The following HES1 variants were observed in gnomAD, a reference collection of about 807,000 sequenced individuals.
HES1 encodes hes family bHLH transcription factor 1, also known as transcription factor HES-1.
Under a neutral mutation model 21.0 loss-of-function variants are expected in HES1, and 7 were observed. That is an observed-to-expected ratio of 0.33 (90% confidence interval 0.19 to 0.63). The LOEUF is 0.63. HES1 is among the 20% of genes least tolerant of loss of function. HES1 has a pLI of 0.78. For missense variants in HES1, 338 were observed against 389.8 expected, an observed-to-expected ratio of 0.87 and a Z score of 1.12; for synonymous variants, 169 against 171.2, an observed-to-expected ratio of 0.99 and a Z score of 0.10.
chr3:194,138,341 G>C lies in HES1; in HGVS notation c.*108G>C. ...GAGAGAAGAGGACTTTTTTGATTAA[G>C]TGGTTACTTTGTGTTTTTTTAATTT... On this transcript the variant is annotated 3_prime_UTR_variant, in exon 4 of 4. Coordinates refer to ENST00000232424, the MANE Select transcript of HES1 (RefSeq NM_005524.4). 2 of 1,178,962 alleles carry C rather than the reference G, an allele frequency of 1.7e-6. No individual in the cohort carries two copies. Among genetic ancestry groups the C allele is most frequent in the Non-Finnish European group, 2.2e-6 (2 of 890,004 alleles). The allele number at this position is 1,178,962 out of a possible 1,614,324, so 73.0% of individuals were successfully genotyped here. A position where few individuals can be genotyped will look rare whatever the true frequency, so the allele number is the denominator to read the frequency against.
rs780206874 is a variant in HES1 at position 194,137,034 on chromosome 3, G to A, written c.278G>A (p.Arg93Gln). 9 of 1,613,986 alleles carry A rather than the reference G, an allele frequency of 5.6e-6. No individual in the cohort carries two copies. Among genetic ancestry groups the A allele is most frequent in the East Asian group, 4.5e-5 (2 of 44,896 alleles). The change falls in exon 3 of 4, where the codon CGG becomes CAG. Residue 93 changes from arginine (R) to glutamine (Q), a missense_variant. Physicochemically the swap from Arg to Gln is conservative, Grantham distance 43. Transcript: ENST00000232424. This position sits in a 1 kb window ranked among gnomAD's most constrained non-coding sequence, Gnocchi z 5.4. Reference protein sequence around the residue: ...MTVKHLRNLQRAQMTAALSTD... With the variant: ...MTVKHLRNLQQAQMTAALSTD... ...GTGAAGCACCTCCGGAACCTGCAGCGGGCGCAGATGACGGGTGAGGGCGGC... is the reference window on the plus strand; with the variant it reads ...GTGAAGCACCTCCGGAACCTGCAGCAGGCGCAGATGACGGGTGAGGGCGGC...
chr3:194,136,446 C>T lies in HES1; in HGVS notation c.66C>T (p.Asn22=). ...SPVAATPASV[N]TTPDKPKTAS... The stretch of plus-strand genomic sequence containing the variant: ...TGGCTGCTACCCCAGCCAGTGTCAA[C>T]ACGACACCGGATAAACCAAAGACAG... Residue 22 remains asparagine, a synonymous_variant, in exon 1 of 4, where the codon AAC becomes AAT. Coordinates refer to ENST00000232424, the MANE Select transcript of HES1 (RefSeq NM_005524.4). 5.6e-6 allele frequency: 9 copies of T among 1,611,744 alleles called. No homozygotes were observed. The highest frequency in any genetic ancestry group is 7.6e-6 in the Non-Finnish European group (9 of 1,179,532).
In HES1 at chr3:194,138,281, TC is replaced by T. The variant is rs1715398589; in HGVS notation, c.*51del. The stretch of plus-strand genomic sequence containing the variant: ...CCTAAACTCCCCAACCCACCTCTCT[TC>T]CCTCCGGACTCTAAACAGGAACTTG... On this transcript the variant is annotated 3_prime_UTR_variant, in exon 4 of 4. Transcript: ENST00000232424. The T allele has an allele frequency of 3.4e-6, 5 of 1,465,934 alleles. No individual in the cohort carries two copies. The Admixed American group carries it at 9.2e-5, about 27-fold the overall frequency. 90.8% of individuals were successfully genotyped at this position (1,465,934 alleles called of 1,614,324 possible).
In HES1 at chr3:194,137,957, C is replaced by G. The variant is rs1382513609; in HGVS notation, c.567C>G (p.Pro189=). Residue 189 remains proline (P), a synonymous_variant, in exon 4 of 4, where the codon CCC becomes CCG. Transcript: ENST00000232424. The surrounding 1 kb of genome is among the most constrained non-coding windows in gnomAD (Gnocchi z 5.4). The stretch of plus-strand genomic sequence containing the variant: ...TCGCGCCGCCGCCGCCACTCGTGCC[C>G]ATCCCCGGGGGCGCGGCGCCCCCTC... ...APFAPPPPLV[P]IPGGAAPPPG... is the part of the protein sequence containing the mutation. The G allele has an allele frequency of 3.0e-6, 4 of 1,350,570 alleles. No individual in the cohort carries two copies. Among genetic ancestry groups the G allele is most frequent in the Admixed American group, 3.5e-5 (1 of 28,842 alleles). The allele number at this position is 1,350,570 out of a possible 1,614,324, so 83.7% of individuals were successfully genotyped here.
In HES1 at chr3:194,136,257, C is replaced by A; in HGVS notation, c.-124C>A. 1.6e-6 allele frequency: 1 copy of A among 642,662 alleles called. No homozygotes were observed. The allele number at this position is 642,662 out of a possible 1,614,324, so 39.8% of individuals were successfully genotyped here. On this transcript the variant is annotated 5_prime_UTR_variant, in exon 1 of 4. Transcript: ENST00000232424. ...CAAGTAGCCACAAAATATAATAAAC[C>A]CTCAGCACTTGCTCAGTAGTTTTGT...
Position 194,136,357 on chromosome 3 carries a change from GA to G in HES1, c.-23del. On this transcript the variant is annotated 5_prime_UTR_variant, in exon 1 of 4. Coordinates refer to ENST00000232424, the MANE Select transcript of HES1 (RefSeq NM_005524.4). ...AACTCCAAAAATAAAATTCTCTAGA[GA>G]TAAAAAAAAAAAAAAAAGGAAAATG... The G allele has an allele frequency of 8.4e-6, 7 of 835,342 alleles. No individual in the cohort carries two copies. In the South Asian group the frequency reaches 1.3e-4, roughly 15 times the overall value. The allele number at this position is 835,342 out of a possible 1,614,324, so 51.7% of individuals were successfully genotyped here. A position where few individuals can be genotyped will look rare whatever the true frequency, so the allele number is the denominator to read the frequency against.
In HES1 at chr3:194,136,966, G is replaced by C. The variant is rs760964574; in HGVS notation, c.210G>C (p.Ser70=). The part of the protein sequence containing the change: ...LILDALKKDS[S]RHSKLEKADI... ...TTCTTGCCTACTCTATGCAGAGCTC[G>C]CGGCATTCCAAGCTGGAGAAGGCGG... is the stretch of plus-strand genomic sequence containing the variant. The change falls in exon 3 of 4, where the codon TCG becomes TCC. Residue 70 remains serine, a synonymous_variant. Coordinates refer to ENST00000232424, the MANE Select transcript of HES1 (RefSeq NM_005524.4). 2 of 1,614,166 alleles carry C rather than the reference G, an allele frequency of 1.2e-6. No individual in the cohort carries two copies. The highest frequency in any genetic ancestry group is 1.7e-6 in the Non-Finnish European group (2 of 1,179,972).
chr3:194,136,386 A>G lies in HES1; in HGVS notation c.6A>G (p.Pro2=), dbSNP rs749803709. Residue 2 remains proline, a synonymous_variant, in exon 1 of 4, where the codon CCA becomes CCG. Transcript: ENST00000232424. M[P]ADIMEKNSSS... is the part of the protein sequence containing the mutation. The stretch of plus-strand genomic sequence containing the variant: ...AAAAAAAAAAAAAAAGGAAAATGCC[A>G]GCTGATATAATGGAGAAAAATTCCT... The G allele has an allele frequency of 9.8e-6, 15 of 1,527,024 alleles. No homozygotes were observed. In the South Asian group the frequency reaches 1.7e-4, roughly 17 times the overall value. The allele number at this position is 1,527,024 out of a possible 1,614,324, so 94.6% of individuals were successfully genotyped here. A position where few individuals can be genotyped will look rare whatever the true frequency, so the allele number is the denominator to read the frequency against.
Position 194,137,336 on chromosome 3 carries a change from T to C in HES1, c.292+288T>C, listed in dbSNP as rs1715370285. Reference sequence around the variant, plus strand: ...GAACTGCGTGGAGCCTGGGGGTCACTGGTTTAGCACTCCTTCCCGTTGCAG... The same window carrying C: ...GAACTGCGTGGAGCCTGGGGGTCACCGGTTTAGCACTCCTTCCCGTTGCAG... On this transcript the variant is annotated intron_variant, in intron 3 of 3. Coordinates refer to ENST00000232424, the MANE Select transcript of HES1 (RefSeq NM_005524.4). The surrounding 1 kb of genome is among the most constrained non-coding windows in gnomAD (Gnocchi z 5.4). 3.5e-6 allele frequency: 2 copies of C among 579,534 alleles called. No individual in the cohort carries two copies. Among genetic ancestry groups the C allele is most frequent in the Admixed American group, 3.0e-5 (1 of 32,970 alleles). The allele number at this position is 579,534 out of a possible 1,614,324, so 35.9% of individuals were successfully genotyped here. A position where few individuals can be genotyped will look rare whatever the true frequency, so the allele number is the denominator to read the frequency against.
At chr3:194,136,795 G>A (rs1715351474) in intron 2 of HES1, 83 bp downstream of exon 2, 3 of 1,441,544 alleles carry the variant, frequency 2.1e-6, no homozygotes, top group African/African-American at 1.4e-5. Flanking sequence ...CCCGCCCTGC[G>A]GGGTCTGGCA....
At chr3:194,136,790 C>T (rs1715351316) in intron 2 of HES1, 78 bp downstream of exon 2, 1 of 1,440,548 alleles carries the variant, frequency 6.9e-7, no homozygotes, top group South Asian at 1.1e-5. Context: ...AACCCCCCGC[C>T]CTGCGGGGTC....
At chr3:194,136,798 G>T (rs1560223092) in intron 2 of HES1, 86 bp downstream of exon 2, 1 of 1,427,610 alleles carries the variant, frequency 7.0e-7, no homozygotes, top group African/African-American at 1.4e-5. Context: ...GCCCTGCGGG[G>T]TCTGGCACTC....
chr3:194,136,832 G>A (rs1715353398), intron 2 of HES1, 120 bp downstream of exon 2: 1 of 1,368,350 alleles, frequency 7.3e-7, no homozygotes, highest in Middle Eastern at 1.8e-4. Flanking sequence ...TCTCCCAGGC[G>A]GGAGGGCCCG....
rs1270835148 is a variant in HES1 at position 194,137,614 on chromosome 3, C to T, written c.293-69C>T. 2 of 1,466,828 alleles carry T rather than the reference C, an allele frequency of 1.4e-6. No individual in the cohort carries two copies. Among genetic ancestry groups the T allele is most frequent in the Non-Finnish European group, 1.8e-6 (2 of 1,098,352 alleles). The allele number at this position is 1,466,828 out of a possible 1,614,324, so 90.9% of individuals were successfully genotyped here. On this transcript the variant is annotated intron_variant, in intron 3 of 3. Coordinates refer to ENST00000232424, the MANE Select transcript of HES1 (RefSeq NM_005524.4). This position sits in a 1 kb window ranked among gnomAD's most constrained non-coding sequence, Gnocchi z 5.4. ...CAGGGAGGCGCGCCACAGGGACCTC[C>T]CAGGGCGGAGGCAGTGGCCACGGGG...
In HES1 at chr3:194,136,691, T is replaced by C. The variant is rs746603112; in HGVS notation, c.183T>C (p.Ile61=). 6.8e-6 allele frequency: 11 copies of C among 1,613,558 alleles called. No homozygotes were observed. The highest frequency in any genetic ancestry group is 5.3e-5 in the African/African-American group (4 of 74,906). The part of the protein sequence containing the change: ...NESLSQLKTL[I]LDALKKDSSR... Reference sequence around the variant, plus strand: ...GTCTGAGCCAGCTGAAAACACTGATTTTGGATGCTCTGAAGAAAGATGTAA... The same window carrying C: ...GTCTGAGCCAGCTGAAAACACTGATCTTGGATGCTCTGAAGAAAGATGTAA... Residue 61 remains isoleucine, a synonymous_variant, in exon 2 of 4, where the codon ATT becomes ATC. Transcript: ENST00000232424.
rs1010714808 is a variant in HES1 at position 194,137,123 on chromosome 3, C to T, written c.292+75C>T. On this transcript the variant is annotated intron_variant, in intron 3 of 3. Coordinates refer to ENST00000232424, the MANE Select transcript of HES1 (RefSeq NM_005524.4). The surrounding 1 kb of genome is among the most constrained non-coding windows in gnomAD (Gnocchi z 5.4). ...CGGTGATTTCTTCCAGACTTCCGCC[C>T]GTGGTTGTGAGAGGCATTCAGCTAC... 1.8e-5 allele frequency: 24 copies of T among 1,312,490 alleles called. No individual in the cohort carries two copies. The highest frequency in any genetic ancestry group is 2.1e-4 in the Middle Eastern group (1 of 4,796). The allele number at this position is 1,312,490 out of a possible 1,614,324, so 81.3% of individuals were successfully genotyped here. A position where few individuals can be genotyped will look rare whatever the true frequency, so the allele number is the denominator to read the frequency against.
At position 194,136,933 on chromosome 3, in the gene HES1, A is replaced by ACTTT. The variant is rs776397886; in HGVS notation, c.205-26_205-23dup. ...CTCTGAAGCAGCTGACACGGGGCTC[A>ACTTT]CTTTCCTTTCTTGCCTACTCTATGC... On this transcript the variant is annotated intron_variant, in intron 2 of 3. Coordinates refer to ENST00000232424, the MANE Select transcript of HES1 (RefSeq NM_005524.4). 5 of 1,606,942 alleles carry ACTTT rather than the reference A, an allele frequency of 3.1e-6. No homozygotes were observed. In the South Asian group the frequency reaches 4.4e-5, roughly 14 times the overall value.
chr3:194,136,359 T>TTA lies in HES1; in HGVS notation c.-22_-21insTA, dbSNP rs1553849742. ...CTCCAAAAATAAAATTCTCTAGAGA[T>TTA]AAAAAAAAAAAAAAAAGGAAAATGC... On this transcript the variant is annotated 5_prime_UTR_variant, in exon 1 of 4. Coordinates refer to ENST00000232424, the MANE Select transcript of HES1 (RefSeq NM_005524.4). 3.8e-5 allele frequency: 44 copies of TTA among 1,165,928 alleles called. No individual in the cohort carries two copies. Among genetic ancestry groups the TTA allele is most frequent in the African/African-American group, 2.4e-4 (14 of 57,726 alleles). The allele number at this position is 1,165,928 out of a possible 1,614,324, so 72.2% of individuals were successfully genotyped here. A position where few individuals can be genotyped will look rare whatever the true frequency, so the allele number is the denominator to read the frequency against.
At position 194,138,208 on chromosome 3, in the gene HES1, C is replaced by T; in HGVS notation, c.818C>T (p.Ser273Phe). The T allele has an allele frequency of 6.3e-7, 1 of 1,588,826 alleles. No homozygotes were observed. Among genetic ancestry groups the T allele is most frequent in the East Asian group, 2.3e-5 (1 of 43,026 alleles). The change falls in exon 4 of 4, where the codon TCC (serine) becomes TTC (phenylalanine). Residue 273 changes from serine to phenylalanine, a missense_variant. Ser to Phe is a radical substitution (Grantham distance 155). Transcript: ENST00000232424. ...AGCGGCCCCTCGCTTACGGCGGACT[C>T]CATGTGGAGGCCGTGGCGGAACTGA... Reference protein sequence around the residue: ...PSSGPSLTADSMWRPWRN With the variant: ...PSSGPSLTADFMWRPWRN
Sources: gnomAD v4.1 joint callset for allele counts on GRCh38, gnomAD v4.1.1 for gene constraint, Gnocchi (gnomAD v3.1) non-coding constraint, MANE v1.5 for transcripts, NCBI Gene and HGNC (gene_info 2026-07-23, HGNC 2026-07-21) for gene names.